SEPTIN12: variants seen among roughly 807,000 people sequenced by gnomAD.
The protein encoded by SEPTIN12 is septin 12, also known as septin-12.
SEPTIN12 carries 42 observed loss-of-function variants against 37.7 expected under a neutral mutation model. The ratio of observed to expected loss-of-function variants is 1.11; its 90% CI spans 0.87 to 1.44. The LOEUF is 1.44. Among genes scored for constraint, SEPTIN12 ranks in the 40% most tolerant of loss-of-function variants. The pLI is 0.00. For missense variants in SEPTIN12, 613 were observed against 479.2 expected, an observed-to-expected ratio of 1.28 and a Z score of -2.61; for synonymous variants, 254 against 196.7, an observed-to-expected ratio of 1.29 and a Z score of -2.44.
chr16:4,789,877 C>A (rs573148611), upstream of SEPTIN12: 5 of 151,860 alleles, frequency 3.3e-5, no homozygotes, highest in East Asian at 5.8e-4. Context: ...AATGTTTTCT[C>A]TTTCTTTTTT....
chr16:4,779,565 C>T, intron 8 of SEPTIN12, 125 bp downstream of exon 8: 1 of 722,386 alleles, frequency 1.4e-6, no homozygotes, highest in East Asian at 2.6e-5. Flanking sequence ...GGGACCATTC[C>T]CCAGGGCTCT....
intron 7 of SEPTIN12, 164 bp downstream of exon 7, chr16:4,783,298 G>A: frequency 1.6e-6 from 1 of 641,478 alleles, no homozygotes. Context: ...GTTAGTGTGA[G>A]CTGTTATTTC....
At chr16:4,782,664 C>T (rs896502869) in intron 7 of SEPTIN12, among the ~76,000 whole-genome samples, 31 of 151,950 alleles carry the variant, frequency 2.0e-4, no homozygotes, top group African/African-American at 6.5e-4. Flanking sequence ...GGTGCAGTGG[C>T]GCAATCTCGG....
intron 4 of SEPTIN12, among the ~76,000 whole-genome samples, chr16:4,785,318 T>C (rs1415972990): frequency 4.0e-5 from 6 of 150,628 alleles, no homozygotes; most frequent in Non-Finnish European, 7.4e-5. Flanking sequence ...GCCGAGATTG[T>C]GTCACTGCAC....
chr16:4,782,410 A>G, intron 7 of SEPTIN12, among the ~76,000 whole-genome samples: 1 of 152,206 alleles, frequency 6.6e-6, no homozygotes, highest in Non-Finnish European at 1.5e-5. Context: ...TGCTGTGAAC[A>G]TTCACGTACA....
intron 8 of SEPTIN12, among the ~76,000 whole-genome samples, chr16:4,778,655 G>T (rs2082339553): frequency 6.6e-6 from 1 of 151,738 alleles, no homozygotes; most frequent in African/African-American, 2.4e-5. Flanking sequence ...ACAAAAATTA[G>T]CCGGGTGTGG....
intron 4 of SEPTIN12, 92 bp downstream of exon 4, chr16:4,785,715 T>C: frequency 3.4e-6 from 3 of 878,106 alleles, no homozygotes; most frequent in South Asian, 2.8e-5. Context: ...GAGGTGGAGG[T>C]TGCAGTGAGC....
Position 4,785,793 on chromosome 16 carries a change from G to GC in SEPTIN12, c.374+13_374+14insG. On this transcript the variant is annotated intron_variant, in intron 4 of 9. Coordinates refer to ENST00000268231, the MANE Select transcript of SEPTIN12 (RefSeq NM_144605.5). ...AACTCTGCCTAAAAAAAAAAAAAAA[G>GC]AGAGAGAACCTACCAGTTGTCATTG... is the stretch of plus-strand genomic sequence containing the variant. 2 of 1,461,408 alleles carry GC rather than the reference G, an allele frequency of 1.4e-6. No individual in the cohort carries two copies. Among genetic ancestry groups the GC allele is most frequent in the Admixed American group, 4.0e-5 (2 of 50,514 alleles). 90.5% of individuals were successfully genotyped at this position (1,461,408 alleles called of 1,614,324 possible). A position where few individuals can be genotyped will look rare whatever the true frequency, so the allele number is the denominator to read the frequency against.
chr16:4,785,964 G>A lies in SEPTIN12; in HGVS notation c.292+16C>T. 6.2e-7 allele frequency: 1 copy of A among 1,611,436 alleles called. No individual in the cohort carries two copies. The highest frequency in any genetic ancestry group is 1.1e-5 in the South Asian group (1 of 90,938). On this transcript the variant is annotated intron_variant, in intron 3 of 9. Coordinates refer to ENST00000268231, the MANE Select transcript of SEPTIN12 (RefSeq NM_144605.5). The stretch of plus-strand genomic sequence containing the variant: ...TGGGGCAGGGTGGGGTGAGGTGTGG[G>A]CAGGGGCTCACTCACCATGGGTCAG...
rs1164580813 is a variant in SEPTIN12, at chr16:4,784,004, T to C, written c.439A>G (p.Ile147Val). The C allele has an allele frequency of 6.2e-7, 1 of 1,614,038 alleles. No individual in the cohort carries two copies. Among genetic ancestry groups the C allele is most frequent in the Admixed American group, 1.7e-5 (1 of 60,000 alleles). The change falls in exon 5 of 10, where the codon ATC (isoleucine) becomes GTC (valine). Residue 147 changes from isoleucine to valine, a missense_variant. Physicochemically the swap from Ile to Val is conservative, Grantham distance 29 (BLOSUM62 3). Transcript: ENST00000268231. ...TCTGGGATGTGGCGCTGGCGGGTGA[T>C]GAGGATCTCCTCCTGCAGGTACTGC... ...YEQYLQEEILITRQRHIPDTR... is the reference protein window; with the variant it reads ...YEQYLQEEILVTRQRHIPDTR...
At chr16:4,782,142 G>A (rs774924715) in intron 7 of SEPTIN12, among the ~76,000 whole-genome samples, 20 of 150,190 alleles carry the variant, frequency 1.3e-4, no homozygotes, top group South Asian at 4.2e-4. Context: ...TAGAGACAGA[G>A]TTTCACCATG....
upstream of SEPTIN12, among the ~76,000 whole-genome samples, chr16:4,791,187 C>T (rs1240552470): frequency 1.3e-5 from 2 of 152,216 alleles, no homozygotes; most frequent in East Asian, 3.8e-4. Flanking sequence ...GGAGGAGCCT[C>T]ACTGGGTGCC....
intron 7 of SEPTIN12, 118 bp downstream of exon 7, chr16:4,783,344 A>T (rs546666867): frequency 1.2e-6 from 1 of 816,506 alleles, no homozygotes; most frequent in Non-Finnish European, 2.1e-6. Flanking sequence ...GTAGAGAATC[A>T]TATCTGCTAG....
chr16:4,784,586 A>G (rs1033577418), intron 4 of SEPTIN12, among the ~76,000 whole-genome samples: 2 of 151,620 alleles, frequency 1.3e-5, no homozygotes, highest in East Asian at 3.9e-4. Context: ...CCTGGGCAAC[A>G]TGGGGAAACG....
Position 4,783,723 on chromosome 16 carries a change from T to C in SEPTIN12, c.556A>G (p.Thr186Ala). The C allele has an allele frequency of 6.2e-7, 1 of 1,613,962 alleles. No individual in the cohort carries two copies. The change falls in exon 6 of 10, where the codon ACT becomes GCT. Residue 186 changes from threonine (T) to alanine (A), a missense_variant. Coordinates refer to ENST00000268231, the MANE Select transcript of SEPTIN12 (RefSeq NM_144605.5). ...GCAATCACGGGCACCACATTCACAG[T>C]CCGGCACAGCCGCTGCAGGAACTCA... is the stretch of plus-strand genomic sequence containing the variant. ...DIEFLQRLCR[T>A]VNVVPVIARA...
At chr16:4,780,105 T>C (rs2082356808) in intron 7 of SEPTIN12, among the ~76,000 whole-genome samples, 1 of 152,048 alleles carries the variant, frequency 6.6e-6, no homozygotes, top group Non-Finnish European at 1.5e-5. Flanking sequence ...GCTGAGCTTA[T>C]AATCCCATTA....
Position 4,786,078 on chromosome 16 carries a change from A to T in SEPTIN12, c.194T>A (p.Met65Lys), listed in dbSNP as rs1174998291. The T allele has an allele frequency of 2.5e-6, 4 of 1,612,688 alleles. No homozygotes were observed. Among genetic ancestry groups the T allele is most frequent in the Non-Finnish European group, 2.5e-6 (3 of 1,179,130 alleles). Residue 65 changes from methionine (M) to lysine (K), a missense_variant, in exon 3 of 10, where the codon ATG becomes AAG. Met to Lys is a moderately conservative substitution (Grantham distance 95, BLOSUM62 -1). Transcript: ENST00000268231. The stretch of plus-strand genomic sequence containing the variant: ...TTTGGACTTGAACAGCGTGTTCACC[A>T]TCGTGGACTTGCCCAGCCCGCTTTG... ...VGQSGLGKST[M>K]VNTLFKSKVW...
intron 7 of SEPTIN12, among the ~76,000 whole-genome samples, chr16:4,782,052 G>A (rs2082378227): frequency 6.9e-6 from 1 of 145,814 alleles, no homozygotes. Context: ...CCAGGTTCAA[G>A]CAATTCTCCT....
chr16:4,783,615 G>A (rs370061646), intron 6 of SEPTIN12, 34 bp downstream of exon 6: 13 of 1,611,024 alleles, frequency 8.1e-6, no homozygotes, highest in Admixed American at 5.0e-5. Flanking sequence ...CTCTGCCCCC[G>A]CTGACCCCAG....
Sources: allele counts gnomAD v4.1 joint callset (sites outside exome capture counted in the v4.1 genomes callset), GRCh38; gene constraint gnomAD v4.1.1; transcripts MANE v1.5; gene names NCBI Gene and HGNC (gene_info 2026-07-23, HGNC 2026-07-21).